The following SNX25 variants were observed in gnomAD, a reference collection of about 807,000 sequenced individuals.
SNX25 encodes the protein sorting nexin 25.
Under a neutral mutation model 113.7 loss-of-function variants are expected in SNX25, and 62 were observed. The ratio of observed to expected loss-of-function variants is 0.55; its 90% CI spans 0.44 to 0.67. SNX25 has a LOEUF of 0.67. Ranked by LOEUF, SNX25 falls within the 30% of genes least tolerant of loss-of-function variation. SNX25 has a pLI of 0.00. For missense variants in SNX25, 1,014 were observed against 1,161.0 expected (o/e 0.87, Z 1.84); for synonymous variants, 421 against 436.2 (o/e 0.97, Z 0.43).
chr4:185,249,793 G>T (rs553729672), intron 2 of SNX25, among the ~76,000 whole-genome samples: 28 of 151,652 alleles, frequency 1.8e-4, no homozygotes, highest in African/African-American at 6.8e-4. Context: ...TTTTTTTCTT[G>T]TTGTTTCTGC....
At chr4:185,313,600 A>G (rs1215862718) in intron 7 of SNX25, among the ~76,000 whole-genome samples, 1 of 152,226 alleles carries the variant, frequency 6.6e-6, no homozygotes, top group Non-Finnish European at 1.5e-5. Context: ...CAATGGAGTG[A>G]ATATGCAATA....
intron 5 of SNX25, among the ~76,000 whole-genome samples, chr4:185,286,963 G>A (rs935170909): frequency 6.6e-6 from 1 of 152,216 alleles, no homozygotes; most frequent in African/African-American, 2.4e-5. Flanking sequence ...GCCAGCAGAT[G>A]TAACATTAAA....
At chr4:185,250,722 GT>G (rs61427126) in intron 2 of SNX25, among the ~76,000 whole-genome samples, 47,055 of 143,238 alleles carry the variant, frequency 0.33, 8,816 homozygotes, top group East Asian at 0.55. Context: ...TCAGTTTATG[GT>G]TTTTTTTTTT....
At chr4:185,272,281 G>A (rs934069793) in intron 5 of SNX25, among the ~76,000 whole-genome samples, 8 of 152,186 alleles carry the variant, frequency 5.3e-5, no homozygotes, top group Non-Finnish European at 1.0e-4. Flanking sequence ...CAGAATGAAG[G>A]TGCATCTGTT....
At chr4:185,345,226 G>A (rs1288450745) in intron 12 of SNX25, among the ~76,000 whole-genome samples, 4 of 152,048 alleles carry the variant, frequency 2.6e-5, no homozygotes, top group South Asian at 4.1e-4. Context: ...CCTTTCCTAC[G>A]GTGTGAGTTT....
At chr4:185,234,366 G>A (rs1456757934) in intron 1 of SNX25, among the ~76,000 whole-genome samples, 6 of 152,078 alleles carry the variant, frequency 3.9e-5, no homozygotes, top group African/African-American at 4.8e-5. Flanking sequence ...ATCATTTTTC[G>A]GAAAGGAAAT....
intron 7 of SNX25, 57 bp downstream of exon 7, chr4:185,310,873 G>A: frequency 6.7e-7 from 1 of 1,484,962 alleles, no homozygotes; most frequent in South Asian, 1.4e-5. Flanking sequence ...AATGCTGATA[G>A]AACTACATAT....
downstream of SNX25, chr4:185,367,062 G>A: frequency 1.1e-6 from 1 of 898,036 alleles, no homozygotes; most frequent in Non-Finnish European, 1.7e-6. Context: ...CATGTCACCT[G>A]TAAAATACCC....
At chr4:185,291,035 G>A (rs1434699292) in intron 6 of SNX25, among the ~76,000 whole-genome samples, 2 of 152,190 alleles carry the variant, frequency 1.3e-5, no homozygotes, top group African/African-American at 4.8e-5. Flanking sequence ...GCTACCTGGC[G>A]TTAGTCTAGA....
At chr4:185,235,055 A>G (rs1421066368) in intron 1 of SNX25, among the ~76,000 whole-genome samples, 1 of 152,238 alleles carries the variant, frequency 6.6e-6, no homozygotes, top group African/African-American at 2.4e-5. Flanking sequence ...TTCAGAGAAA[A>G]GATCTAATGG....
At chr4:185,332,896 T>C in intron 10 of SNX25, 137 bp downstream of exon 10, 1 of 940,664 alleles carries the variant, frequency 1.1e-6, no homozygotes, top group South Asian at 1.8e-5. Context: ...TTTTTTTGCT[T>C]CTAGGATAGA....
intron 15 of SNX25, among the ~76,000 whole-genome samples, chr4:185,354,241 C>T (rs947462636): frequency 1.3e-5 from 2 of 152,138 alleles, no homozygotes; most frequent in Non-Finnish European, 2.9e-5. Flanking sequence ...AAAAGTTATA[C>T]AGAAAACTGT....
intron 1 of SNX25, among the ~76,000 whole-genome samples, chr4:185,221,078 G>T (rs1739766704): frequency 6.6e-6 from 1 of 151,674 alleles, no homozygotes; most frequent in South Asian, 2.1e-4. Flanking sequence ...TGTTGCCCGG[G>T]CTGGAGTGCA....
At chr4:185,228,562 C>T (rs865847901) in intron 1 of SNX25, among the ~76,000 whole-genome samples, 6 of 151,970 alleles carry the variant, frequency 3.9e-5, no homozygotes, top group African/African-American at 1.5e-4. Flanking sequence ...TTTTAGACAG[C>T]ATCTTGCTCT....
intron 12 of SNX25, among the ~76,000 whole-genome samples, chr4:185,342,596 G>A (rs796242025): frequency 8.7e-5 from 13 of 149,794 alleles, no homozygotes; most frequent in African/African-American, 2.5e-4. Context: ...AGTAAGGCGC[G>A]GTGCTTGGAG....
intron 1 of SNX25, among the ~76,000 whole-genome samples, chr4:185,234,988 ATGG>A (rs1313269658): frequency 1.3e-5 from 2 of 152,190 alleles, no homozygotes; most frequent in African/African-American, 4.8e-5. Flanking sequence ...TGCTTTTGTC[ATGG>A]TAATAATAAG....
intron 13 of SNX25, among the ~76,000 whole-genome samples, chr4:185,349,201 T>A (rs1335854287): frequency 6.6e-6 from 1 of 152,112 alleles, no homozygotes; most frequent in Non-Finnish European, 1.5e-5. Context: ...CAAAAAATTC[T>A]CATAATGTTT....
chr4:185,361,803 A>G (rs933022013), intron 16 of SNX25, 121 bp from the exon 17 acceptor site: 29 of 665,550 alleles, frequency 4.4e-5, no homozygotes, highest in Middle Eastern at 3.2e-4. Context: ...TCCAATTCCT[A>G]GTTTATTCAT....
At chr4:185,278,427 T>G (rs548351274) in intron 5 of SNX25, among the ~76,000 whole-genome samples, 170 of 152,332 alleles carry the variant, frequency 1.1e-3, no homozygotes, top group Non-Finnish European at 1.7e-3. Context: ...GAGCCTCAGT[T>G]TTAACTGTGA....
Sources: allele counts gnomAD v4.1 joint callset (sites outside exome capture counted in the v4.1 genomes callset), GRCh38; gene constraint gnomAD v4.1.1; transcripts MANE v1.5; gene names NCBI Gene and HGNC (gene_info 2026-07-23, HGNC 2026-07-21).